Variants in CHEK1 observed in about 807,000 individuals in gnomAD.
CHEK1 encodes serine/threonine-protein kinase Chk1.
CHEK1 carries 32 observed loss-of-function variants against 60.2 expected under a neutral mutation model. The observed-to-expected ratio is 0.53, with a 90% CI of 0.40 to 0.71. The LOEUF is 0.71. Ranked by LOEUF, CHEK1 falls within the 30% of genes least tolerant of loss-of-function variation. The pLI is 0.00. For synonymous variants in CHEK1, 179 were observed against 187.2 expected, an observed-to-expected ratio of 0.96 and a Z score of 0.36; for missense variants, 399 against 564.6, an observed-to-expected ratio of 0.71 and a Z score of 2.97.
At chr11:125,657,420 C>T (rs1941937550), downstream of CHEK1, among the ~76,000 whole-genome samples, 1 of 152,094 alleles carries the variant, frequency 6.6e-6, no homozygotes, top group Admixed American at 6.6e-5. Flanking sequence ...CATTTACAGA[C>T]CCTTAAGAAC....
At chr11:125,632,628 A>T (rs1555068692) in intron 5 of CHEK1, among the ~76,000 whole-genome samples, 2 of 149,286 alleles carry the variant, frequency 1.3e-5, no homozygotes, top group Non-Finnish European at 3.0e-5. Flanking sequence ...GTCTTCTGAT[A>T]TTTTTTTTTT....
chr11:125,665,699 A>T (rs982706605), intron 13 of CHEK1, among the ~76,000 whole-genome samples: 8 of 151,968 alleles, frequency 5.3e-5, no homozygotes, highest in African/African-American at 1.9e-4. Flanking sequence ...TTTATGGTTC[A>T]ATCTTGATAG....
In CHEK1 at chr11:125,655,600, G is replaced by A; in HGVS notation, c.*280G>A. 3.6e-6 allele frequency: 1 copy of A among 277,016 alleles called. No individual in the cohort carries two copies. The highest frequency in any genetic ancestry group is 1.4e-4 in the South Asian group (1 of 6,992). The allele number at this position is 277,016 out of a possible 1,614,324, so 17.2% of individuals were successfully genotyped here. On this transcript the variant is annotated 3_prime_UTR_variant, in exon 13 of 13. Coordinates refer to ENST00000438015, the MANE Select transcript of CHEK1 (RefSeq NM_001114122.3). ...TATCTGAATTTGAAACTCATCTGGT[G>A]GAAACCAAGTTTCAGGGGACATGAG...
At chr11:125,661,300 A>T (rs561559550), downstream of CHEK1, among the ~76,000 whole-genome samples, 97 of 151,224 alleles carry the variant, frequency 6.4e-4, 1 homozygote, top group African/African-American at 2.2e-3. Context: ...GCCTTAAAAA[A>T]TTTTTTTTCT....
chr11:125,665,059 C>A (rs1942074905), intron 13 of CHEK1, among the ~76,000 whole-genome samples: 1 of 151,960 alleles, frequency 6.6e-6, no homozygotes, highest in African/African-American at 2.4e-5. Context: ...AGGTTCTTGG[C>A]ATCTTTGTTG....
At chr11:125,666,501 A>C (rs1942102950) in intron 13 of CHEK1, among the ~76,000 whole-genome samples, 1 of 152,192 alleles carries the variant, frequency 6.6e-6, no homozygotes, top group Non-Finnish European at 1.5e-5. Context: ...TGTTCTATAA[A>C]TGTCTGTTAG....
chr11:125,670,829 G>A (rs1020565382), intron 13 of CHEK1, among the ~76,000 whole-genome samples: 2 of 152,062 alleles, frequency 1.3e-5, no homozygotes, highest in Non-Finnish European at 2.9e-5. Context: ...CAGTTCCTTT[G>A]GAGGAGCTTT....
chr11:125,640,352 T>A (rs1259420174), intron 8 of CHEK1, among the ~76,000 whole-genome samples: 2 of 151,734 alleles, frequency 1.3e-5, no homozygotes, highest in Non-Finnish European at 2.9e-5. Context: ...CCATCCTGGC[T>A]AACACGGTGT....
intron 1 of CHEK1, 94 bp from the exon 2 acceptor site, chr11:125,626,655 A>T: frequency 9.3e-7 from 1 of 1,071,078 alleles, no homozygotes; most frequent in Non-Finnish European, 1.4e-6. Flanking sequence ...AAGAGCTGTT[A>T]ATTTTCGTGG....
chr11:125,665,790 G>T (rs192522451), intron 13 of CHEK1, among the ~76,000 whole-genome samples: 2 of 147,134 alleles, frequency 1.4e-5, no homozygotes, highest in East Asian at 4.0e-4. Flanking sequence ...AGTCTCTAAT[G>T]ATCTTTTGTG....
chr11:125,627,746 A>G lies in CHEK1; in HGVS notation c.205A>G (p.Lys69Glu), dbSNP rs375481689. The G allele has an allele frequency of 4.3e-6, 7 of 1,613,550 alleles. No individual in the cohort carries two copies. Among genetic ancestry groups the G allele is most frequent in the Non-Finnish European group, 5.9e-6 (7 of 1,179,884 alleles). ...NKMLNHENVV[K>E]FYGHRREGNI... ...AATGCTAAATCATGAAAATGTAGTA[A>G]AATTCTATGGTCACAGGAGAGAAGG... Residue 69 changes from lysine (K) to glutamate (E), a missense_variant, in exon 3 of 13, where the codon AAA becomes GAA. Lys to Glu is a moderately conservative substitution (Grantham distance 56). This residue lies in a region of CHEK1 where 370 missense variants were observed against 494.8 expected (regional missense o/e 0.75). Transcript: ENST00000438015.
At chr11:125,628,686 A>G (rs1457349090) in intron 3 of CHEK1, among the ~76,000 whole-genome samples, 5 of 152,206 alleles carry the variant, frequency 3.3e-5, no homozygotes, top group Non-Finnish European at 4.4e-5. Flanking sequence ...CTTAGGAGGC[A>G]GGAGGATTGC....
chr11:125,643,835 TC>T lies in CHEK1; in HGVS notation c.861del (p.Ser288ValfsTer16). The T allele has an allele frequency of 6.2e-7, 1 of 1,614,180 alleles. No homozygotes were observed. Among genetic ancestry groups the T allele is most frequent in the Non-Finnish European group, 8.5e-7 (1 of 1,180,022 alleles). Reference protein sequence around the residue: ...RVTSGGVSESPSGFSKHIQSN... With the variant: ...RVTSGGVSESXSGFSKHIQSN... ...TCACTTCAGGTGGTGTGTCAGAGTC[TC>T]CCAGTGGATTTTCTAAGCACATTCA... On this transcript the variant is annotated frameshift_variant, in exon 9 of 13. Transcript: ENST00000438015. LOFTEE classifies it high-confidence loss of function.
rs573756240 is a variant in CHEK1 at position 125,655,900 on chromosome 11, C to G, written c.*580C>G. On this transcript the variant is annotated 3_prime_UTR_variant, in exon 13 of 13. Transcript: ENST00000438015. ...TTAAAATTGCAAGTAGGTGTTTTTT[C>G]CAGTGTAGTTAGTAAAATACTTGTA... The G allele has an allele frequency of 2.0e-4, 43 of 209,838 alleles. No homozygotes were observed. Among genetic ancestry groups the G allele is most frequent in the African/African-American group, 9.3e-4 (41 of 44,166 alleles). 13.0% of individuals were successfully genotyped at this position (209,838 alleles called of 1,614,324 possible). A position where few individuals can be genotyped will look rare whatever the true frequency, so the allele number is the denominator to read the frequency against.
At chr11:125,678,076 C>A (rs1170557723), downstream of CHEK1, 8 of 1,614,086 alleles carry the variant, frequency 5.0e-6, no homozygotes, top group Admixed American at 1.0e-4. Context: ...GAAGCATGCT[C>A]ACTCTCAGCA....
At chr11:125,645,743 T>G (rs1403492244) in intron 11 of CHEK1, among the ~76,000 whole-genome samples, 1 of 152,072 alleles carries the variant, frequency 6.6e-6, no homozygotes, top group African/African-American at 2.4e-5. Flanking sequence ...TTTAAAAAAA[T>G]AAAGGGCAAA....
chr11:125,654,422 A>C (rs1941837295), intron 12 of CHEK1, among the ~76,000 whole-genome samples: 1 of 152,208 alleles, frequency 6.6e-6, no homozygotes, highest in Non-Finnish European at 1.5e-5. Context: ...GATCACATTA[A>C]TATTTCGAAG....
chr11:125,678,092 T>A (rs755148513), downstream of CHEK1: 28 of 1,614,068 alleles, frequency 1.7e-5, no homozygotes, highest in East Asian at 4.7e-4. Context: ...CAGCATGTTC[T>A]CCAGAAGTGT....
chr11:125,677,033 C>A (rs952708091), downstream of CHEK1, among the ~76,000 whole-genome samples: 1 of 152,154 alleles, frequency 6.6e-6, no homozygotes, highest in Non-Finnish European at 1.5e-5. Flanking sequence ...TACTGCTAAT[C>A]CCCCAGTTTG....
Sources: allele counts gnomAD v4.1 joint callset (sites outside exome capture counted in the v4.1 genomes callset), GRCh38; gene constraint gnomAD v4.1.1; regional missense constraint gnomAD v4.1.1; transcripts MANE v1.5; gene names NCBI Gene and HGNC (gene_info 2026-07-23, HGNC 2026-07-21).